OR51B5: variants seen among roughly 807,000 people sequenced by gnomAD.
OR51B5 encodes the protein olfactory receptor 51B5.
For missense variants in OR51B5, 456 were observed against 374.6 expected, an observed-to-expected ratio of 1.22 and a Z score of -1.79; for synonymous variants, 186 against 144.8, an observed-to-expected ratio of 1.28 and a Z score of -2.04.
chr11:5,485,704 T>G (rs949188130), intron 1 of OR51B5, among the ~76,000 whole-genome samples: 3 of 152,172 alleles, frequency 2.0e-5, no homozygotes, highest in African/African-American at 7.2e-5. Context: ...TCCCCCTGTC[T>G]GAAATGTTCT....
At chr11:5,421,528 CTCTCTT>C (rs1486268483) in intron 1 of OR51B5, among the ~76,000 whole-genome samples, 1 of 152,332 alleles carries the variant, frequency 6.6e-6, no homozygotes, top group East Asian at 1.9e-4. Flanking sequence ...TGACTATTTC[CTCTCTT>C]TCTCTTCTTT....
intron 1 of OR51B5, among the ~76,000 whole-genome samples, chr11:5,379,589 T>C (rs1849579730): frequency 6.6e-6 from 1 of 152,180 alleles, no homozygotes; most frequent in African/African-American, 2.4e-5. Flanking sequence ...CTTTTAAGAT[T>C]GGCATACATT....
intron 1 of OR51B5, among the ~76,000 whole-genome samples, chr11:5,479,534 A>C (rs2133807098): frequency 6.7e-6 from 1 of 150,062 alleles, no homozygotes; most frequent in South Asian, 2.1e-4. Context: ...ATGTAAATGG[A>C]CTAAATGCTC....
At position 5,467,170 on chromosome 11, in the gene OR51B5, A is replaced by G. The variant is rs545101782; in HGVS notation, n.84+38399T>C. On this transcript the variant is annotated intron_variant and non_coding_transcript_variant, in intron 1 of 4. Coordinates refer to the OR51B5 transcript ENST00000415970. ...TTTCACCAGTCAATCTCAAAACCAT[A>G]TGCCCAGATTTTTGCTTAGTATACA... Among the ~76,000 whole-genome samples the G allele has an allele frequency of 2.6e-5, 4 of 152,296 alleles. No homozygotes were observed. In the South Asian group the frequency reaches 8.3e-4, roughly 32 times the overall value.
chr11:5,415,481 C>G (rs1303014452), intron 1 of OR51B5, among the ~76,000 whole-genome samples: 1 of 151,668 alleles, frequency 6.6e-6, no homozygotes, highest in Non-Finnish European at 1.5e-5. Context: ...ATTAATGAAT[C>G]CAGGAGCTGG....
chr11:5,473,218 GA>G (rs1474237629), intron 1 of OR51B5, among the ~76,000 whole-genome samples: 2 of 152,110 alleles, frequency 1.3e-5, no homozygotes, highest in Middle Eastern at 3.4e-3. Context: ...TTATATGCCA[GA>G]AAAAAAATCT....
rs192486764 is a variant in OR51B5 at position 5,389,664 on chromosome 11, C to T, written n.85-42754G>A. ...ACTGACCTGGGGCTGTGTGTGTCCA[C>T]GTTGCCCACCACTATGGGGATCTTC... On this transcript the variant is annotated intron_variant and non_coding_transcript_variant, in intron 1 of 4. Transcript: ENST00000415970. 1,361 of 1,613,612 alleles carry T rather than the reference C, an allele frequency of 8.4e-4. 4 individuals are homozygous for T. Among genetic ancestry groups the T allele is most frequent in the Middle Eastern group, 5.1e-3 (31 of 6,062 alleles).
In OR51B5 at chr11:5,454,406, G is replaced by A. The variant is rs552998187; in HGVS notation, n.84+51163C>T. 2.5e-6 allele frequency: 4 copies of A among 1,605,778 alleles called. No homozygotes were observed. The highest frequency in any genetic ancestry group is 1.7e-5 in the Admixed American group (1 of 59,898). ...AAATCCGCCGAGCCATTTTCCGCAT[G>A]TTTCACCACATCAAAATATGACTTT... On this transcript the variant is annotated intron_variant and non_coding_transcript_variant, in intron 1 of 4. Coordinates refer to the OR51B5 transcript ENST00000415970.
intron 1 of OR51B5, among the ~76,000 whole-genome samples, chr11:5,419,452 A>G (rs1850297226): frequency 6.6e-6 from 1 of 152,174 alleles, no homozygotes; most frequent in East Asian, 1.9e-4. Context: ...TGGAAAAAAA[A>G]CTTCCATCTA....
chr11:5,405,768 G>A (rs559197952), intron 1 of OR51B5, among the ~76,000 whole-genome samples: 78 of 152,296 alleles, frequency 5.1e-4, no homozygotes, highest in African/African-American at 1.8e-3. Flanking sequence ...CACAGTTAAT[G>A]GTGTGAGTCT....
chr11:5,365,884 G>C, intron 1 of OR51B5, among the ~76,000 whole-genome samples: 1 of 152,270 alleles, frequency 6.6e-6, no homozygotes, highest in Admixed American at 6.5e-5. Context: ...GAGGAACTCT[G>C]CTTACCTCTT....
intron 1 of OR51B5, among the ~76,000 whole-genome samples, chr11:5,348,640 G>A (rs1335269865): frequency 2.0e-5 from 3 of 152,090 alleles, no homozygotes; most frequent in African/African-American, 7.2e-5. Context: ...TGTGTAACAG[G>A]CATCCACTAC....
intron 1 of OR51B5, chr11:5,440,819 G>A: frequency 6.2e-7 from 1 of 1,613,846 alleles, no homozygotes; most frequent in Non-Finnish European, 8.5e-7. Flanking sequence ...GCTGTTCCTG[G>A]GATATGATGA....
At chr11:5,425,545 C>G (rs1348596763) in intron 1 of OR51B5, among the ~76,000 whole-genome samples, 1 of 151,988 alleles carries the variant, frequency 6.6e-6, no homozygotes, top group Non-Finnish European at 1.5e-5. Context: ...GGGAGGAGGG[C>G]TTTATGACTT....
intron 1 of OR51B5, among the ~76,000 whole-genome samples, chr11:5,358,873 A>G (rs1030431228): frequency 6.6e-6 from 1 of 152,122 alleles, no homozygotes; most frequent in African/African-American, 2.4e-5. Flanking sequence ...CAGCATATAA[A>G]CAGAACCAAA....
intron 1 of OR51B5, among the ~76,000 whole-genome samples, chr11:5,437,723 T>C (rs1257685736): frequency 2.0e-5 from 3 of 152,224 alleles, no homozygotes; most frequent in Non-Finnish European, 4.4e-5. Flanking sequence ...TTATCACACA[T>C]GCTAGTTATC....
At chr11:5,454,527 G>C (rs111311793) in intron 1 of OR51B5, 2 of 999,850 alleles carry the variant, frequency 2.0e-6, no homozygotes, top group African/African-American at 1.6e-5. Context: ...TGTGTGCTGC[G>C]GGAAAAGTAG....
At chr11:5,404,110 G>A (rs1850019225) in intron 1 of OR51B5, among the ~76,000 whole-genome samples, 1 of 143,582 alleles carries the variant, frequency 7.0e-6, no homozygotes, top group Non-Finnish European at 1.5e-5. Context: ...CTCCCATCCA[G>A]GTTGTGAGAG....
intron 1 of OR51B5, among the ~76,000 whole-genome samples, chr11:5,410,502 C>T (rs1211294371): frequency 6.6e-6 from 1 of 152,072 alleles, no homozygotes; most frequent in African/African-American, 2.4e-5. Context: ...CAACGGACTG[C>T]ATATAGGACA....
Sources: allele counts gnomAD v4.1 joint callset (sites outside exome capture counted in the v4.1 genomes callset), GRCh38; gene constraint gnomAD v4.1.1; transcripts MANE v1.5; gene names NCBI Gene and HGNC (gene_info 2026-07-23, HGNC 2026-07-21).